The following TNIK variants were observed in gnomAD, a reference collection of about 807,000 sequenced individuals.
TNIK encodes the protein TRAF2 and NCK interacting kinase, also known as TRAF2 and NCK-interacting protein kinase.
A neutral mutation model predicts 191.3 loss-of-function variants in TNIK; 49 were observed. The ratio of observed to expected loss-of-function variants is 0.26; its 90% CI spans 0.20 to 0.32. The LOEUF is 0.32. TNIK is among the 10% of genes least tolerant of loss of function. The pLI, the probability that TNIK is intolerant of heterozygous loss-of-function variation, is 1.00. For missense variants in TNIK, 1,155 were observed against 1,702.3 expected, an observed-to-expected ratio of 0.68 and a Z score of 5.66; for synonymous variants, 594 against 600.9, an observed-to-expected ratio of 0.99 and a Z score of 0.17.
At chr3:171,069,548 G>A (rs116137765) in intron 29 of TNIK, among the ~76,000 whole-genome samples, 224 of 152,274 alleles carry the variant, frequency 1.5e-3, no homozygotes, top group Non-Finnish European at 2.6e-3. Flanking sequence ...CTGAGACTTG[G>A]GTTTGGGTGG....
Position 171,058,982 on chromosome 3 carries a change from G to A in TNIK, c.*4899C>T, listed in dbSNP as rs1253822639. 2.6e-5 allele frequency among the ~76,000 whole-genome samples: 4 copies of A among 152,252 alleles called. No individual in the cohort carries two copies. The highest frequency in any genetic ancestry group is 9.6e-5 in the African/African-American group (4 of 41,552). On this transcript the variant is annotated 3_prime_UTR_variant, in exon 33 of 33. Coordinates refer to ENST00000436636, the MANE Select transcript of TNIK (RefSeq NM_015028.4). ...CTATTCCTTAACATTTATCCCAGGG[G>A]AAGAGATAAGGGAAAGGGGTAGCTG... is the stretch of plus-strand genomic sequence containing the variant.
At chr3:171,247,530 T>C (rs1307446486) in intron 2 of TNIK, among the ~76,000 whole-genome samples, 1 of 151,882 alleles carries the variant, frequency 6.6e-6, no homozygotes, top group African/African-American at 2.4e-5. Context: ...CATAACAAGG[T>C]TTTCGGGGGC....
intron 10 of TNIK, among the ~76,000 whole-genome samples, 176 bp downstream of exon 10, chr3:171,166,918 TA>T (rs1734690409): frequency 6.6e-6 from 1 of 152,228 alleles, no homozygotes; most frequent in South Asian, 2.1e-4. Context: ...TGAAAGATTC[TA>T]CTTCAATAGT....
At chr3:171,403,637 A>G (rs1721273676) in intron 1 of TNIK, among the ~76,000 whole-genome samples, 1 of 151,190 alleles carries the variant, frequency 6.6e-6, no homozygotes, top group Non-Finnish European at 1.5e-5. Context: ...AAAAAAAGAA[A>G]AGAAAAGGGG....
At chr3:171,146,871 G>T (rs532747743) in intron 12 of TNIK, among the ~76,000 whole-genome samples, 18 of 147,992 alleles carry the variant, frequency 1.2e-4, no homozygotes, top group Non-Finnish European at 2.4e-4. Context: ...TTGTGCCTGG[G>T]TGACAGAGTG....
chr3:171,147,744 A>AC lies in TNIK; in HGVS notation c.1222-7236dup, dbSNP rs1464507891. Among the ~76,000 whole-genome samples the AC allele has an allele frequency of 7.2e-5, 11 of 152,170 alleles. No individual in the cohort carries two copies. In the East Asian group the frequency reaches 2.1e-3, roughly 29 times the overall value. ...CTTTGAGGCAGGTAATACTGTCATC[A>AC]CCCCCATTTGACAGTTAAGGAAACT... On this transcript the variant is annotated intron_variant, in intron 12 of 32. Coordinates refer to ENST00000436636, the MANE Select transcript of TNIK (RefSeq NM_015028.4).
chr3:171,349,551 T>C (rs1712796436), intron 2 of TNIK, among the ~76,000 whole-genome samples: 1 of 152,218 alleles, frequency 6.6e-6, no homozygotes, highest in African/African-American at 2.4e-5. Flanking sequence ...AGCTGACTCC[T>C]GATTCCCAAG....
chr3:171,294,478 T>C (rs759356893), intron 2 of TNIK, among the ~76,000 whole-genome samples: 3 of 152,156 alleles, frequency 2.0e-5, no homozygotes, highest in Middle Eastern at 3.4e-3. Flanking sequence ...CCCAGCACTT[T>C]GGGAAGCTGA....
At chr3:171,149,059 CAAAAT>C (rs1171398095) in intron 12 of TNIK, among the ~76,000 whole-genome samples, 2 of 152,096 alleles carry the variant, frequency 1.3e-5, no homozygotes, top group East Asian at 1.9e-4. Context: ...AAACAAGAAT[CAAAAT>C]AAAAGCAATT....
chr3:171,221,160 C>CA (rs370527743), intron 3 of TNIK, among the ~76,000 whole-genome samples: 26 of 152,034 alleles, frequency 1.7e-4, no homozygotes, highest in African/African-American at 6.0e-4. Flanking sequence ...ATTAGGAAGA[C>CA]AAAAAAAGCC....
chr3:171,084,196 T>G lies in TNIK; in HGVS notation c.3128A>C (p.Lys1043Thr). 1 of 1,613,606 alleles carries G rather than the reference T, an allele frequency of 6.2e-7. No homozygotes were observed. The highest frequency in any genetic ancestry group is 8.5e-7 in the Non-Finnish European group (1 of 1,179,750). The change falls in exon 26 of 33, where the codon AAG becomes ACG. Residue 1043 changes from lysine to threonine, a missense_variant. Transcript: ENST00000436636. ...AAGTATTTCTGAGTTGAATCGTTTC[T>G]TGTATTTTCTGATTTCTGGTGTGTC... ...HSDTPEIRKY[K>T]KRFNSEILCA...
chr3:171,098,467 A>G (rs1723021581), intron 22 of TNIK, among the ~76,000 whole-genome samples: 1 of 152,186 alleles, frequency 6.6e-6, no homozygotes, highest in Non-Finnish European at 1.5e-5. Flanking sequence ...AAATACTGCA[A>G]CTGGTTAGTT....
At chr3:171,128,078 A>G (rs997104339) in intron 16 of TNIK, among the ~76,000 whole-genome samples, 7 of 152,188 alleles carry the variant, frequency 4.6e-5, no homozygotes, top group Non-Finnish European at 8.8e-5. Context: ...ATAGCTTTTA[A>G]TAGTTGTTCT....
At chr3:171,114,449 C>T (rs1309537112) in intron 18 of TNIK, among the ~76,000 whole-genome samples, 2 of 152,146 alleles carry the variant, frequency 1.3e-5, no homozygotes, top group Non-Finnish European at 2.9e-5. Context: ...CTACCAGTAA[C>T]CCAGTCACAA....
rs552737683 is a variant in TNIK, at chr3:171,159,361, G to A, written c.1017-1697C>T. ...GAATGCTGAGGGAGGAGCAAGTTTC[G>A]TGGCAGTTAACAAGAGGACCAAGGA... On this transcript the variant is annotated intron_variant, in intron 11 of 32. Transcript: ENST00000436636. The surrounding 1 kb of genome is among the most constrained non-coding windows in gnomAD (Gnocchi z 4.1). Among the ~76,000 whole-genome samples the A allele has an allele frequency of 8.6e-5, 13 of 151,772 alleles. No homozygotes were observed. In the South Asian group the frequency reaches 1.3e-3, roughly 15 times the overall value.
chr3:171,227,681 G>T (rs1263921424), intron 3 of TNIK, among the ~76,000 whole-genome samples: 8 of 152,042 alleles, frequency 5.3e-5, no homozygotes, highest in Admixed American at 5.2e-4. Context: ...CCACAAGTGG[G>T]GAAAGATATT....
chr3:171,259,737 C>A (rs982040275), intron 2 of TNIK, among the ~76,000 whole-genome samples: 1 of 152,150 alleles, frequency 6.6e-6, no homozygotes, highest in Admixed American at 6.5e-5. Context: ...ATAAGCCAGG[C>A]ACCCTTTATA....
chr3:171,459,310 T>A (rs1214383204), intron 1 of TNIK, among the ~76,000 whole-genome samples: 1 of 151,926 alleles, frequency 6.6e-6, no homozygotes, highest in Non-Finnish European at 1.5e-5. Context: ...TTTCACCTGC[T>A]TAAGTTCAGC....
In TNIK at chr3:171,071,262, A is replaced by G. The variant is rs1477144498; in HGVS notation, c.3510T>C (p.Ala1170=). Residue 1170 remains alanine, a synonymous_variant, in exon 29 of 33, where the codon GCT becomes GCC. Transcript: ENST00000436636. ...IALKNAVEIY[A]WAPKPYHKFM... is the part of the protein sequence containing the mutation. Reference sequence around the variant, plus strand: ...ATTTATGATACGGTTTAGGAGCCCAAGCATATATTTCCACAGCATTCTTTA... The same window carrying G: ...ATTTATGATACGGTTTAGGAGCCCAGGCATATATTTCCACAGCATTCTTTA... 2 of 1,607,328 alleles carry G rather than the reference A, an allele frequency of 1.2e-6. No homozygotes were observed. Among genetic ancestry groups the G allele is most frequent in the Admixed American group, 3.4e-5 (2 of 59,320 alleles).
Sources: gnomAD v4.1 joint callset for allele counts (sites outside exome capture counted in the v4.1 genomes callset) on GRCh38, gnomAD v4.1.1 for gene constraint, Gnocchi (gnomAD v3.1) non-coding constraint, MANE v1.5 for transcripts, NCBI Gene and HGNC (gene_info 2026-07-23, HGNC 2026-07-21) for gene names.